EGFR: variants seen among roughly 807,000 people sequenced by gnomAD.
EGFR encodes the protein epidermal growth factor receptor.
EGFR carries 58 observed loss-of-function variants against 143.0 expected under a neutral mutation model. That is an observed-to-expected ratio of 0.41 (90% CI 0.33 to 0.50). The LOEUF (loss-of-function observed/expected upper bound fraction) is 0.50, where lower values mean the gene tolerates loss of function less well. EGFR is among the 20% of genes least tolerant of loss of function. The pLI, the probability that EGFR is intolerant of heterozygous loss-of-function variation, is 0.39. For missense variants in EGFR, 1,307 were observed against 1,579.0 expected, an observed-to-expected ratio of 0.83 and a Z score of 2.92; for synonymous variants, 613 against 594.4, an observed-to-expected ratio of 1.03 and a Z score of -0.45.
chr7:55,058,256 C>T (rs1233746906), intron 1 of EGFR, among the ~76,000 whole-genome samples: 2 of 152,078 alleles, frequency 1.3e-5, no homozygotes, highest in East Asian at 1.9e-4. Context: ...TAGCCAGGCG[C>T]GGTGGCAGGC....
intron 1 of EGFR, among the ~76,000 whole-genome samples, chr7:55,066,217 A>T (rs1328078869): frequency 6.6e-6 from 1 of 152,220 alleles, no homozygotes. Context: ...TCTGAAAACT[A>T]CAGCCTACAT....
chr7:55,207,577 C>T lies in EGFR; in HGVS notation c.*1960C>T, dbSNP rs1788139385. 1 of 169,790 alleles carries T rather than the reference C, an allele frequency of 5.9e-6. No individual in the cohort carries two copies. 10.5% of individuals were successfully genotyped at this position (169,790 alleles called of 1,614,324 possible). On this transcript the variant is annotated 3_prime_UTR_variant, in exon 28 of 28. Transcript: ENST00000275493. ...GCCTGAGGAGACCTGGAAGGGAGGC[C>T]TCACAGGAGGATGACCAGGTCTCAG...
At chr7:55,062,736 T>C (rs1264439543) in intron 1 of EGFR, among the ~76,000 whole-genome samples, 1 of 152,114 alleles carries the variant, frequency 6.6e-6, no homozygotes, top group Non-Finnish European at 1.5e-5. Context: ...CCTCCCCAGT[T>C]CTTTGAAAAT....
chr7:55,045,137 A>G lies in EGFR; in HGVS notation c.88+25772A>G, dbSNP rs535570551. On this transcript the variant is annotated intron_variant, in intron 1 of 27. Coordinates refer to ENST00000275493, the MANE Select transcript of EGFR (RefSeq NM_005228.5). ...GTTGAGAAACTCAAGAGAATAAGTA[A>G]GTTATGGAGTTGGAGACCCCAGCTT... Among the ~76,000 whole-genome samples, 3 of 152,352 alleles carry G rather than the reference A, an allele frequency of 2.0e-5. No homozygotes were observed. In the South Asian group the frequency reaches 6.2e-4, roughly 32 times the overall value.
chr7:55,134,462 T>C (rs1230359662), intron 1 of EGFR, among the ~76,000 whole-genome samples: 1 of 152,256 alleles, frequency 6.6e-6, no homozygotes, highest in Non-Finnish European at 1.5e-5. Flanking sequence ...TCCAAAAGCC[T>C]TGTTTCCTGT....
intron 1 of EGFR, among the ~76,000 whole-genome samples, chr7:55,033,631 G>C (rs529164227): frequency 6.6e-6 from 1 of 152,320 alleles, no homozygotes; most frequent in African/African-American, 2.4e-5. Flanking sequence ...TCTCACCAGA[G>C]AGCCTGTGTT....
intron 1 of EGFR, among the ~76,000 whole-genome samples, chr7:55,073,006 C>A (rs1307563699): frequency 6.6e-6 from 1 of 152,188 alleles, no homozygotes; most frequent in East Asian, 1.9e-4. Context: ...ATAAGGAATT[C>A]TCAGGCTTTG....
At chr7:55,064,531 A>C (rs1203341836) in intron 1 of EGFR, among the ~76,000 whole-genome samples, 2 of 152,224 alleles carry the variant, frequency 1.3e-5, no homozygotes, top group Non-Finnish European at 2.9e-5. Flanking sequence ...CAGAGATTGT[A>C]AAGTGATTCC....
In EGFR at chr7:55,209,181, G is replaced by A. The variant is rs1160298883; in HGVS notation, c.*3564G>A. On this transcript the variant is annotated 3_prime_UTR_variant, in exon 28 of 28. Coordinates refer to ENST00000275493, the MANE Select transcript of EGFR (RefSeq NM_005228.5). ...ACCCAAATCTCGGGGGCTCTTTCAT[G>A]ATTCTAATGGGCAACCAGGGTTGAA... The A allele has an allele frequency of 6.6e-6, 1 of 152,118 alleles. No individual in the cohort carries two copies. Among genetic ancestry groups the A allele is most frequent in the African/African-American group, 2.4e-5 (1 of 41,400 alleles). The allele number at this position is 152,118 out of a possible 1,614,324, so 9.4% of individuals were successfully genotyped here.
intron 20 of EGFR, chr7:55,182,035 G>A (rs1786904722): frequency 5.5e-6 from 1 of 181,934 alleles, no homozygotes; most frequent in African/African-American, 2.4e-5. Context: ...TGAGAGAGCA[G>A]AGTGGTCAGG....
At chr7:55,145,080 G>A (rs1405132373) in intron 3 of EGFR, among the ~76,000 whole-genome samples, 1 of 152,180 alleles carries the variant, frequency 6.6e-6, no homozygotes, top group Non-Finnish European at 1.5e-5. Context: ...TGCAGGGTGA[G>A]CCTCCCCTAA....
Position 55,207,590 on chromosome 7 carries a change from G to A in EGFR, c.*1973G>A, listed in dbSNP as rs1471740293. The A allele has an allele frequency of 6.0e-6, 1 of 167,456 alleles. No individual in the cohort carries two copies. The highest frequency in any genetic ancestry group is 1.2e-4 in the East Asian group (1 of 8,464). 10.4% of individuals were successfully genotyped at this position (167,456 alleles called of 1,614,324 possible). A position where few individuals can be genotyped will look rare whatever the true frequency, so the allele number is the denominator to read the frequency against. ...TGGAAGGGAGGCCTCACAGGAGGAT[G>A]ACCAGGTCTCAGTCAGCGGGGAGGT... On this transcript the variant is annotated 3_prime_UTR_variant, in exon 28 of 28. Coordinates refer to ENST00000275493, the MANE Select transcript of EGFR (RefSeq NM_005228.5).
chr7:55,160,976 AC>A (rs1785669700), intron 12 of EGFR, among the ~76,000 whole-genome samples: 1 of 152,228 alleles, frequency 6.6e-6, no homozygotes, highest in Non-Finnish European at 1.5e-5. Context: ...TGCCTAGCAC[AC>A]AGCACACAGC....
intron 1 of EGFR, among the ~76,000 whole-genome samples, chr7:55,037,656 A>C (rs115865986): frequency 0.014 from 2,071 of 152,298 alleles, 54 homozygotes; most frequent in African/African-American, 0.048. Flanking sequence ...AAATCTTTAT[A>C]GTCTCTTCAC....
intron 6 of EGFR, 106 bp from the exon 7 acceptor site, chr7:55,153,905 G>C: frequency 6.5e-7 from 1 of 1,545,440 alleles, no homozygotes; most frequent in Non-Finnish European, 8.9e-7. Context: ...TGCAAAGACA[G>C]TAACTTGGGC....
At chr7:55,023,246 T>A (rs987069197) in intron 1 of EGFR, among the ~76,000 whole-genome samples, 3 of 152,240 alleles carry the variant, frequency 2.0e-5, no homozygotes, top group Non-Finnish European at 2.9e-5. Flanking sequence ...ACTCTAGTTA[T>A]GAGCTTATTT....
intron 1 of EGFR, among the ~76,000 whole-genome samples, chr7:55,103,857 G>A (rs536489387): frequency 1.6e-4 from 24 of 152,330 alleles, no homozygotes; most frequent in African/African-American, 5.5e-4. Context: ...TCTGGTTTAA[G>A]AATAAAGGAT....
chr7:55,188,481 C>T (rs73136846), intron 20 of EGFR, among the ~76,000 whole-genome samples: 239 of 152,256 alleles, frequency 1.6e-3, no homozygotes, highest in Non-Finnish European at 8.5e-4. Flanking sequence ...TTTTCAAATC[C>T]CCTTTTAACC....
intron 1 of EGFR, among the ~76,000 whole-genome samples, chr7:55,049,064 G>T (rs993461951): frequency 6.6e-6 from 1 of 152,070 alleles, no homozygotes; most frequent in Non-Finnish European, 1.5e-5. Flanking sequence ...TAAAATAAAT[G>T]GAAACGCACA....
Sources: gnomAD v4.1 joint callset for allele counts (sites outside exome capture counted in the v4.1 genomes callset) on GRCh38, gnomAD v4.1.1 for gene constraint, MANE v1.5 for transcripts, NCBI Gene and HGNC (gene_info 2026-07-23, HGNC 2026-07-21) for gene names.